Variants in XG observed in about 807,000 individuals in gnomAD.
The protein encoded by XG is glycoprotein Xg.
In XG, 24 loss-of-function variants were observed where a neutral mutation model predicts 25.7. The ratio of observed to expected loss-of-function variants is 0.93; its 90% CI spans 0.68 to 1.31. The LOEUF is 1.31. Among genes scored for constraint, XG ranks in the 40% most tolerant of loss-of-function variants. The probability of loss-of-function intolerance (pLI) is 0.00; values close to 1 mark genes in which losing one functional copy is unlikely to be tolerated. For synonymous variants in XG, 77 were observed against 69.2 expected, an observed-to-expected ratio of 1.11 and a Z score of -0.56; for missense variants, 181 against 187.6, an observed-to-expected ratio of 0.96 and a Z score of 0.21.
intron 5 of XG, among the ~76,000 whole-genome samples, chrX:2,794,326 G>C (rs750649316): frequency 2.7e-5 from 3 of 112,354 alleles, no homozygotes; most frequent in Non-Finnish European, 5.6e-5. Flanking sequence ...CACTGCAGAC[G>C]TTCTGGGCCC....
At chrX:2,795,526 C>T (rs963146470) in intron 6 of XG, among the ~76,000 whole-genome samples, 113 of 107,392 alleles carry the variant, frequency 1.1e-3, no homozygotes, top group African/African-American at 3.3e-3. Context: ...CCTTTATATA[C>T]GTACACATAT....
Position 2,803,739 on chromosome X carries a change from C to T in XG, c.374-2962C>T, listed in dbSNP as rs907041752. Among the ~76,000 whole-genome samples the T allele has an allele frequency of 4.5e-5, 5 of 111,493 alleles. No homozygotes were observed. In the South Asian group the frequency reaches 1.1e-3, roughly 26 times the overall value. On this transcript the variant is annotated intron_variant, in intron 7 of 10. Coordinates refer to ENST00000644266, the MANE Select transcript of XG (RefSeq NM_001141919.2). ...CAAAATGTCTCAAACACCGCGCTTA[C>T]GTTTTACAATAGTGATGTTACCCCC...
At chrX:2,757,827 C>T (rs1158719780) in intron 1 of XG, among the ~76,000 whole-genome samples, 5 of 150,862 alleles carry the variant, frequency 3.3e-5, no homozygotes, top group Non-Finnish European at 7.4e-5. Flanking sequence ...CAAAAATTAG[C>T]CAGGCATGGT....
At chrX:2,805,838 G>T (rs1023091301) in intron 7 of XG, among the ~76,000 whole-genome samples, 3 of 111,632 alleles carry the variant, frequency 2.7e-5, no homozygotes, top group African/African-American at 9.8e-5. Flanking sequence ...TTCAAATACA[G>T]TCACAGTCTG....
chrX:2,765,976 A>G (rs889994511), intron 1 of XG, among the ~76,000 whole-genome samples: 12 of 152,244 alleles, frequency 7.9e-5, no homozygotes, highest in African/African-American at 2.9e-4. Context: ...ATTCAGAATG[A>G]AGACCCCAAG....
intron 3 of XG, among the ~76,000 whole-genome samples, chrX:2,775,784 G>A (rs1276128539): frequency 2.0e-5 from 3 of 151,244 alleles, no homozygotes; most frequent in East Asian, 3.9e-4. Flanking sequence ...GGTGAAACCT[G>A]GTCTCTACTA....
At chrX:2,776,446 A>G (rs189719525) in intron 3 of XG, among the ~76,000 whole-genome samples, 4 of 152,078 alleles carry the variant, frequency 2.6e-5, no homozygotes, top group East Asian at 1.9e-4. Flanking sequence ...AGCTCGCCAC[A>G]GTATCTTATC....
At chrX:2,789,957 A>G (rs1474449752) in intron 5 of XG, among the ~76,000 whole-genome samples, 9 of 110,497 alleles carry the variant, frequency 8.1e-5, no homozygotes, top group African/African-American at 3.0e-4. Flanking sequence ...GGCTCAAGCA[A>G]TCTTCCTCCC....
intron 1 of XG, among the ~76,000 whole-genome samples, chrX:2,766,557 CTTTTTTTTTTTTT>C (rs1177391752): frequency 2.2e-5 from 2 of 90,170 alleles, no homozygotes; most frequent in African/African-American, 4.7e-5. Context: ...CTTATGGCCA[CTTTTTTTTTTTTT>C]TTTTTTTTTT....
At chrX:2,760,581 A>C (rs189707600) in intron 1 of XG, among the ~76,000 whole-genome samples, 20,200 of 129,682 alleles carry the variant, frequency 0.16, 1,851 homozygotes, top group African/African-American at 0.38. Context: ...TAAAAATACA[A>C]AAAAAAAAAA....
At chrX:2,811,842 C>T (rs2087060438) in intron 10 of XG, among the ~76,000 whole-genome samples, 2 of 111,371 alleles carry the variant, frequency 1.8e-5, no homozygotes, top group East Asian at 2.8e-4. Flanking sequence ...GTGAGCTGCC[C>T]GCCTTGGCCT....
At position 2,752,329 on chromosome X, in the gene XG, G is replaced by A. The variant is rs749955471; in HGVS notation, c.55G>A (p.Ala19Thr). The change falls in exon 1 of 11, where the codon GCC becomes ACC. Residue 19 changes from alanine to threonine, a missense_variant. Coordinates refer to ENST00000644266, the MANE Select transcript of XG (RefSeq NM_001141919.2). ...TGCGTTCCTGTGTTTTCTAATGCAC[G>A]CCCGAGGTAAGAGGCATTTTGCTTT... is the stretch of plus-strand genomic sequence containing the variant. The part of the protein sequence containing the change: ...CLAFLCFLMH[A>T]RGQRDFDLAD... The A allele has an allele frequency of 9.3e-6, 15 of 1,613,154 alleles. No individual in the cohort carries two copies. Among genetic ancestry groups the A allele is most frequent in the Admixed American group, 3.3e-5 (2 of 59,966 alleles).
intron 3 of XG, among the ~76,000 whole-genome samples, chrX:2,780,908 G>A (rs2051105922): frequency 6.6e-6 from 1 of 151,998 alleles, no homozygotes; most frequent in African/African-American, 2.4e-5. Context: ...GCCTCAGGGA[G>A]CAGAGGGGGG....
chrX:2,765,593 T>C (rs2050667297), intron 1 of XG, among the ~76,000 whole-genome samples: 1 of 152,192 alleles, frequency 6.6e-6, no homozygotes, highest in Non-Finnish European at 1.5e-5. Context: ...ATAGCTGTAA[T>C]TGGGGTCAGG....
chrX:2,792,545 T>TTGTGTGTGTGTGTG (rs146747084), intron 5 of XG, among the ~76,000 whole-genome samples: 65 of 99,776 alleles, frequency 6.5e-4, no homozygotes, highest in African/African-American at 2.2e-3. Context: ...TTCTTTTTCT[T>TTGTGTGTGTGTGTG]TGTGTGTGTG....
intron 2 of XG, among the ~76,000 whole-genome samples, chrX:2,771,956 C>T (rs2050828312): frequency 1.3e-5 from 2 of 152,104 alleles, no homozygotes; most frequent in African/African-American, 4.8e-5. Context: ...TGAATCCTAC[C>T]CTGTCAAGGC....
chrX:2,770,478 A>T, intron 1 of XG, 72 bp from the exon 2 acceptor site: 1 of 1,575,838 alleles, frequency 6.3e-7, no homozygotes, highest in Non-Finnish European at 8.7e-7. Flanking sequence ...GGGGAGCAGC[A>T]TGAGGTGAGG....
At chrX:2,795,794 A>G (rs1042368585) in intron 6 of XG, among the ~76,000 whole-genome samples, 6 of 110,254 alleles carry the variant, frequency 5.4e-5, no homozygotes, top group African/African-American at 2.0e-4. Context: ...AGTAGCTGGG[A>G]TTACAGGCGC....
chrX:2,770,572 A>G lies in XG; in HGVS notation c.84A>G (p.Ala28=). The change falls in exon 2 of 11, where the codon GCA becomes GCG. Residue 28 remains alanine, a synonymous_variant. Coordinates refer to ENST00000644266, the MANE Select transcript of XG (RefSeq NM_001141919.2). Reference sequence around the variant, plus strand: ...TAGGTCAAAGAGACTTTGATTTGGCAGATGCCCTTGATGACCCTGGTAAGT... The same window carrying G: ...TAGGTCAAAGAGACTTTGATTTGGCGGATGCCCTTGATGACCCTGGTAAGT... ...HARGQRDFDL[A]DALDDPEPTK... The G allele has an allele frequency of 6.2e-7, 1 of 1,613,942 alleles. No individual in the cohort carries two copies. The highest frequency in any genetic ancestry group is 8.5e-7 in the Non-Finnish European group (1 of 1,179,866).
Sources: allele counts gnomAD v4.1 joint callset (sites outside exome capture counted in the v4.1 genomes callset), GRCh38; gene constraint gnomAD v4.1.1; transcripts MANE v1.5; gene names NCBI Gene and HGNC (gene_info 2026-07-23, HGNC 2026-07-21).